Variants in AKAP19 observed in about 807,000 individuals in gnomAD.
AKAP19 encodes A-kinase anchoring protein 19.
the AKAP19 span, among the ~76,000 whole-genome samples, chr2:190,072,142 G>C: frequency 2.0e-5 from 3 of 152,168 alleles, no homozygotes; most frequent in Non-Finnish European, 4.4e-5. Flanking sequence ...ATTATCCTAA[G>C]CTAATTAATG....
chr2:189,986,135 C>A, the AKAP19 span, among the ~76,000 whole-genome samples: 6 of 152,130 alleles, frequency 3.9e-5, no homozygotes, highest in Non-Finnish European at 7.3e-5. Flanking sequence ...AAACTACCCT[C>A]CTTCTTGGGC....
chr2:190,116,097 C>T, the AKAP19 span, among the ~76,000 whole-genome samples: 55 of 152,196 alleles, frequency 3.6e-4, 1 homozygote, highest in Middle Eastern at 3.4e-3. Context: ...GGCCACAGCT[C>T]GACTGATTCT....
At chr2:190,118,520 T>A in the AKAP19 span, among the ~76,000 whole-genome samples, 1 of 152,192 alleles carries the variant, frequency 6.6e-6, no homozygotes, top group Non-Finnish European at 1.5e-5. Flanking sequence ...TTATCCACCA[T>A]GATCAAGTGG....
At chr2:190,038,955 C>CTTCTTCTTCTTCTTCT in the AKAP19 span, among the ~76,000 whole-genome samples, 1 of 145,582 alleles carries the variant, frequency 6.9e-6, no homozygotes, top group Non-Finnish European at 1.5e-5. Flanking sequence ...TCTTCTTCTT[C>CTTCTTCTTCTTCTTCT]TTCTTCTTCT....
At chr2:190,079,350 TA>T in the AKAP19 span, 15 of 152,352 alleles carry the variant, frequency 9.8e-5, 3 homozygotes, top group East Asian at 5.8e-4. Flanking sequence ...GCTAGAAGGT[TA>T]AAAAAGTGTG....
the AKAP19 span, among the ~76,000 whole-genome samples, chr2:190,074,565 C>T: frequency 6.6e-6 from 1 of 151,748 alleles, no homozygotes; most frequent in Non-Finnish European, 1.5e-5. Context: ...GCAGGAGATT[C>T]GCTTAAACCC....
At chr2:190,028,370 C>A in the AKAP19 span, among the ~76,000 whole-genome samples, 1 of 152,248 alleles carries the variant, frequency 6.6e-6, no homozygotes, top group Non-Finnish European at 1.5e-5. Context: ...TCTTAAGGTA[C>A]AGGCTCTAAA....
chr2:189,901,997 T>C, the AKAP19 span, among the ~76,000 whole-genome samples: 3 of 152,118 alleles, frequency 2.0e-5, no homozygotes, highest in Non-Finnish European at 2.9e-5. Context: ...TAGCCTAGGG[T>C]ATATGCTCAG....
the AKAP19 span, among the ~76,000 whole-genome samples, chr2:189,935,885 T>G: frequency 1.3e-5 from 2 of 152,140 alleles, no homozygotes; most frequent in Admixed American, 6.5e-5. Flanking sequence ...ATGAAAACCC[T>G]GGTGACCTTT....
chr2:190,174,030 C>T, the AKAP19 span, among the ~76,000 whole-genome samples: 4 of 152,222 alleles, frequency 2.6e-5, no homozygotes, highest in African/African-American at 9.6e-5. Flanking sequence ...TCCCTCCCAC[C>T]AAAACTACTC....
the AKAP19 span, among the ~76,000 whole-genome samples, chr2:190,003,437 C>T: frequency 6.6e-6 from 1 of 152,056 alleles, no homozygotes; most frequent in Non-Finnish European, 1.5e-5. Flanking sequence ...TGAGTCTTTT[C>T]ATAGATTGAA....
the AKAP19 span, among the ~76,000 whole-genome samples, chr2:189,970,081 G>T: frequency 6.6e-6 from 1 of 151,854 alleles, no homozygotes; most frequent in Admixed American, 6.6e-5. Flanking sequence ...TTCCCAGGCT[G>T]CTCTTGAACT....
At chr2:189,967,844 A>C in the AKAP19 span, among the ~76,000 whole-genome samples, 2 of 150,456 alleles carry the variant, frequency 1.3e-5, no homozygotes, top group Admixed American at 1.3e-4. Context: ...TAAAAATAAA[A>C]ATTTGAAATT....
the AKAP19 span, among the ~76,000 whole-genome samples, chr2:190,105,882 C>T: frequency 6.6e-6 from 1 of 152,202 alleles, no homozygotes; most frequent in African/African-American, 2.4e-5. Flanking sequence ...GGTTAGGGCC[C>T]TTCTCTTATT....
At chr2:190,055,324 T>G in the AKAP19 span, among the ~76,000 whole-genome samples, 5 of 100,372 alleles carry the variant, frequency 5.0e-5, no homozygotes, top group Admixed American at 1.4e-4. Context: ...CACCGGGGCC[T>G]GTTGTGGGGT....
the AKAP19 span, among the ~76,000 whole-genome samples, chr2:190,179,379 C>T: frequency 6.6e-6 from 1 of 151,638 alleles, no homozygotes; most frequent in Non-Finnish European, 1.5e-5. This position sits in a 1 kb window ranked among gnomAD's most constrained non-coding sequence, Gnocchi z 6.0. Context: ...TGCACTCCAG[C>T]CTGGGCGACA....
chr2:190,074,700 A>G, the AKAP19 span, among the ~76,000 whole-genome samples: 37 of 152,068 alleles, frequency 2.4e-4, no homozygotes, highest in Non-Finnish European at 4.1e-4. Context: ...CAAATCATAT[A>G]GGAAAACTAC....
At chr2:190,180,634 C>T in the AKAP19 span, 116 of 985,742 alleles carry the variant, frequency 1.2e-4, 1 homozygote, top group South Asian at 5.0e-3. The surrounding 1 kb of genome is among the most constrained non-coding windows in gnomAD (Gnocchi z 6.8). Context: ...TCCGCTCCGC[C>T]CGCCCCTGCC....
chr2:190,180,980 G>A, the AKAP19 span: 2 of 985,490 alleles, frequency 2.0e-6, no homozygotes, highest in South Asian at 4.7e-5. The surrounding 1 kb of genome is among the most constrained non-coding windows in gnomAD (Gnocchi z 6.8). Flanking sequence ...ACGCCAGCAA[G>A]CCCCCCTCCC....
Sources: gnomAD v4.1 joint callset for allele counts (sites outside exome capture counted in the v4.1 genomes callset) on GRCh38, gnomAD v4.1.1 for gene constraint, Gnocchi (gnomAD v3.1) non-coding constraint, MANE v1.5 for transcripts, NCBI Gene and HGNC (gene_info 2026-07-23, HGNC 2026-07-21) for gene names.